SLC22A15: variants seen among roughly 807,000 people sequenced by gnomAD.
SLC22A15 encodes solute carrier family 22 member 15, also known as flipt 1.
In SLC22A15, 45 loss-of-function variants were observed where a neutral mutation model predicts 62.7. The observed-to-expected ratio is 0.72, with a 90% CI of 0.56 to 0.92. The LOEUF (loss-of-function observed/expected upper bound fraction) is 0.92, where lower values mean the gene tolerates loss of function less well. Ranked by LOEUF, SLC22A15 falls within the 40% of genes least tolerant of loss-of-function variation. The pLI, the probability that SLC22A15 is intolerant of heterozygous loss-of-function variation, is 0.00. For synonymous variants in SLC22A15, 264 were observed against 267.0 expected, an observed-to-expected ratio of 0.99 and a Z score of 0.11; for missense variants, 622 against 665.6, an observed-to-expected ratio of 0.93 and a Z score of 0.72.
intron 2 of SLC22A15, among the ~76,000 whole-genome samples, chr1:116,011,063 T>G (rs1443858783): frequency 2.0e-5 from 3 of 152,194 alleles, no homozygotes; most frequent in Non-Finnish European, 2.9e-5. Context: ...GAAGGCTGTG[T>G]TGGGACTAGT....
intron 8 of SLC22A15, among the ~76,000 whole-genome samples, chr1:116,062,191 A>G (rs1423109797): frequency 6.6e-6 from 1 of 152,188 alleles, no homozygotes; most frequent in Admixed American, 6.5e-5. Context: ...CCTGGGAGAC[A>G]AGAGCAAGAC....
At chr1:116,003,511 G>A (rs993242501) in intron 2 of SLC22A15, among the ~76,000 whole-genome samples, 2 of 152,200 alleles carry the variant, frequency 1.3e-5, no homozygotes, top group Non-Finnish European at 2.9e-5. Context: ...CACTGGGATG[G>A]GCGATTCCTC....
At chr1:115,992,879 C>A (rs1440586476) in intron 2 of SLC22A15, among the ~76,000 whole-genome samples, 1 of 152,132 alleles carries the variant, frequency 6.6e-6, no homozygotes, top group Non-Finnish European at 1.5e-5. Flanking sequence ...CCCACCTCGG[C>A]CTCCCAAAGT....
At chr1:116,004,063 C>T (rs1655860162) in intron 2 of SLC22A15, among the ~76,000 whole-genome samples, 1 of 152,194 alleles carries the variant, frequency 6.6e-6, no homozygotes, top group African/African-American at 2.4e-5. Flanking sequence ...TGCTTCCTTA[C>T]CTCTCCTTAA....
intron 2 of SLC22A15, among the ~76,000 whole-genome samples, chr1:116,018,668 G>A (rs937109034): frequency 5.3e-5 from 8 of 152,144 alleles, no homozygotes; most frequent in African/African-American, 1.7e-4. Context: ...ATATTTATGG[G>A]CTACATGGTG....
chr1:116,064,542 A>T (rs778243235), intron 10 of SLC22A15, 34 bp downstream of exon 10: 8 of 1,419,576 alleles, frequency 5.6e-6, no homozygotes, highest in Non-Finnish European at 8.0e-6. Context: ...GTTTTTCTTG[A>T]TTCTCTGCTT....
intron 8 of SLC22A15, among the ~76,000 whole-genome samples, chr1:116,059,829 A>AT (rs1658332302): frequency 6.6e-6 from 1 of 152,186 alleles, no homozygotes; most frequent in Admixed American, 6.5e-5. Context: ...ATACTAAGAC[A>AT]TTTTTTGCTG....
At chr1:116,011,206 C>G (rs138059697) in intron 2 of SLC22A15, among the ~76,000 whole-genome samples, 2,741 of 152,310 alleles carry the variant, frequency 0.018, 35 homozygotes, top group East Asian at 0.026. Context: ...TGTGAATCAT[C>G]CATGGCACAT....
intron 1 of SLC22A15, among the ~76,000 whole-genome samples, chr1:115,990,429 G>A (rs943852558): frequency 7.2e-5 from 11 of 152,118 alleles, no homozygotes; most frequent in African/African-American, 2.7e-4. Context: ...ATAATCAGGG[G>A]CAGTTACTAA....
At chr1:116,004,444 A>T (rs1655879133) in intron 2 of SLC22A15, among the ~76,000 whole-genome samples, 1 of 152,212 alleles carries the variant, frequency 6.6e-6, no homozygotes, top group Admixed American at 6.5e-5. Flanking sequence ...TACTTTTTCT[A>T]CATCAATTGC....
At chr1:115,992,281 C>A (rs1195824079) in intron 2 of SLC22A15, 38 bp downstream of exon 2, 9 of 1,491,582 alleles carry the variant, frequency 6.0e-6, no homozygotes, top group Non-Finnish European at 7.3e-6. Context: ...ATAAATGTCT[C>A]TCTTTGTCCA....
At chr1:116,058,581 A>T (rs891847356) in intron 8 of SLC22A15, among the ~76,000 whole-genome samples, 6 of 152,326 alleles carry the variant, frequency 3.9e-5, no homozygotes, top group African/African-American at 1.4e-4. Context: ...AATTAAAAGT[A>T]AAACTACCAT....
At chr1:116,032,598 A>C in intron 6 of SLC22A15, 1 of 985,414 alleles carries the variant, frequency 1.0e-6, no homozygotes, top group Non-Finnish European at 1.2e-6. Flanking sequence ...AGTGGCTGCC[A>C]CCTGTATGGT....
intron 1 of SLC22A15, among the ~76,000 whole-genome samples, chr1:115,978,254 A>G (rs1654417787): frequency 6.6e-6 from 1 of 152,132 alleles, no homozygotes; most frequent in African/African-American, 2.4e-5. Context: ...TGCCTAGCCA[A>G]GTATCCACTA....
chr1:116,008,643 A>G (rs1341348948), intron 2 of SLC22A15, among the ~76,000 whole-genome samples: 1 of 152,252 alleles, frequency 6.6e-6, no homozygotes, highest in Non-Finnish European at 1.5e-5. Flanking sequence ...TGAAAGCTAA[A>G]TAAGATGCTC....
At chr1:115,992,279 C>A (rs1240546378) in intron 2 of SLC22A15, 36 bp downstream of exon 2, 2 of 1,494,018 alleles carry the variant, frequency 1.3e-6, no homozygotes, top group Non-Finnish European at 1.8e-6. Context: ...AAATAAATGT[C>A]TCTCTTTGTC....
At chr1:116,037,750 A>G (rs1657671383) in intron 8 of SLC22A15, among the ~76,000 whole-genome samples, 1 of 152,194 alleles carries the variant, frequency 6.6e-6, no homozygotes, top group Non-Finnish European at 1.5e-5. Flanking sequence ...GCCAACCACA[A>G]GATTGCAGAG....
intron 1 of SLC22A15, among the ~76,000 whole-genome samples, chr1:115,984,656 T>C (rs893795306): frequency 5.9e-4 from 90 of 152,112 alleles, no homozygotes; most frequent in African/African-American, 2.1e-3. Context: ...TCAGGCAGAT[T>C]CTTCGGGAGA....
intron 7 of SLC22A15, among the ~76,000 whole-genome samples, chr1:116,036,314 A>T (rs549322309): frequency 6.6e-6 from 1 of 152,310 alleles, no homozygotes; most frequent in South Asian, 2.1e-4. Context: ...GAAGCCGTCC[A>T]TGGGGGTATC....
Sources: allele counts gnomAD v4.1 joint callset (sites outside exome capture counted in the v4.1 genomes callset), GRCh38; gene constraint gnomAD v4.1.1; transcripts MANE v1.5; gene names NCBI Gene and HGNC (gene_info 2026-07-23, HGNC 2026-07-21).